Variants in RBFOX1 observed in about 807,000 individuals in gnomAD.
RBFOX1 encodes the protein RNA binding fox-1 homolog 1, also known as RNA binding protein fox-1 homolog 1.
A neutral mutation model predicts 57.7 loss-of-function variants in RBFOX1; 8 were observed. That is an observed-to-expected ratio of 0.14 (90% CI 0.08 to 0.25). RBFOX1 has a LOEUF of 0.25. Among genes scored for constraint, RBFOX1 ranks in the 10% least tolerant of loss-of-function variants. RBFOX1 has a pLI of 1.00. For synonymous variants in RBFOX1, 326 were observed against 222.4 expected (o/e 1.47, Z -4.15); for missense variants, 611 against 548.5 (o/e 1.11, Z -1.14).
chr16:6,318,948 C>G (rs2081428804), intron 2 of RBFOX1, among the ~76,000 whole-genome samples: 2 of 151,712 alleles, frequency 1.3e-5, no homozygotes, highest in Non-Finnish European at 2.9e-5. Context: ...TACAGCAAAC[C>G]TCAATCCCCT....
chr16:7,572,843 G>GAATA (rs57189251), intron 5 of RBFOX1, among the ~76,000 whole-genome samples: 40 of 146,662 alleles, frequency 2.7e-4, no homozygotes, highest in African/African-American at 5.8e-4. Flanking sequence ...TCTCTCAAAT[G>GAATA]AATAAATAAA....
intron 3 of RBFOX1, among the ~76,000 whole-genome samples, chr16:6,959,538 G>T (rs1409072298): frequency 6.6e-6 from 1 of 151,832 alleles, no homozygotes; most frequent in Non-Finnish European, 1.5e-5. Context: ...TGTGCATTTG[G>T]ACCCAGGTCT....
chr16:7,659,867 T>C (rs975109053), intron 12 of RBFOX1, among the ~76,000 whole-genome samples: 1 of 152,170 alleles, frequency 6.6e-6, no homozygotes, highest in African/African-American at 2.4e-5. Context: ...AAAGACATTT[T>C]CACAGATGCC....
At chr16:7,240,606 G>C (rs1010735582) in intron 4 of RBFOX1, among the ~76,000 whole-genome samples, 3 of 152,126 alleles carry the variant, frequency 2.0e-5, no homozygotes, top group African/African-American at 4.8e-5. Flanking sequence ...CCAGGCTGGA[G>C]TACAGTGGTA....
intron 3 of RBFOX1, among the ~76,000 whole-genome samples, chr16:6,932,649 T>G (rs2076750887): frequency 6.6e-6 from 1 of 152,190 alleles, no homozygotes; most frequent in Non-Finnish European, 1.5e-5. Flanking sequence ...GCATCTTTCA[T>G]GGAGAGTTGC....
intron 3 of RBFOX1, among the ~76,000 whole-genome samples, chr16:6,812,224 G>C (rs72766744): frequency 7.4e-4 from 113 of 152,236 alleles, no homozygotes; most frequent in South Asian, 1.5e-3. Context: ...TGAATATTAA[G>C]CTCCTCACAT....
intron 2 of RBFOX1, among the ~76,000 whole-genome samples, chr16:5,488,318 G>C (rs2042704328): frequency 8.1e-6 from 1 of 123,128 alleles, no homozygotes; most frequent in Non-Finnish European, 1.7e-5. Flanking sequence ...TAATGGTGAT[G>C]ATGATGGATA....
intron 4 of RBFOX1, among the ~76,000 whole-genome samples, chr16:5,929,987 C>T (rs1048344401): frequency 1.3e-5 from 2 of 151,436 alleles, no homozygotes; most frequent in Non-Finnish European, 2.9e-5. Context: ...AAGACGGATG[C>T]ACTACGAAGC....
chr16:7,246,633 C>CTTTTTTTTTTTTTTTTT (rs56654382), intron 4 of RBFOX1, among the ~76,000 whole-genome samples: 98 of 105,474 alleles, frequency 9.3e-4, no homozygotes, highest in African/African-American at 4.1e-3. Flanking sequence ...TGGTCACCTC[C>CTTTTTTTTTTTTTTTTT]TTTTTTTTTT....
rs1409567185 is a variant in RBFOX1 at position 6,450,777 on chromosome 16, A to G, written c.-64+133720A>G. On this transcript the variant is annotated intron_variant, in intron 2 of 15. Transcript: ENST00000550418. ...TACATATATATATGTGTATATATAT[A>G]TATATATATATACATATATATATGT... is the stretch of plus-strand genomic sequence containing the variant. Among the ~76,000 whole-genome samples, 43 of 39,532 alleles carry G rather than the reference A, an allele frequency of 1.1e-3. 1 individual carries two copies. The highest frequency in any genetic ancestry group is 0.011 in the South Asian group (17 of 1,604). The allele number at this position is 39,532 out of a possible 152,430, so 25.9% of individuals were successfully genotyped here.
intron 2 of RBFOX1, among the ~76,000 whole-genome samples, chr16:6,529,466 G>C (rs886970042): frequency 6.6e-6 from 1 of 151,932 alleles, no homozygotes; most frequent in African/African-American, 2.4e-5. Flanking sequence ...GACTGAAGCA[G>C]GAAAATCGCT....
intron 2 of RBFOX1, among the ~76,000 whole-genome samples, chr16:6,425,299 A>C (rs1302531298): frequency 1.3e-5 from 2 of 152,194 alleles, no homozygotes; most frequent in Non-Finnish European, 2.9e-5. Context: ...CACTTTAAGC[A>C]TTGATAGCTA....
chr16:5,494,120 C>T (rs781421113), intron 2 of RBFOX1, among the ~76,000 whole-genome samples: 21 of 152,122 alleles, frequency 1.4e-4, no homozygotes, highest in Non-Finnish European at 3.1e-4. Flanking sequence ...CTTTGCTGTC[C>T]TGAGGCTGGG....
intron 3 of RBFOX1, among the ~76,000 whole-genome samples, chr16:7,032,241 A>G (rs946063896): frequency 4.6e-5 from 7 of 152,118 alleles, no homozygotes; most frequent in African/African-American, 1.4e-4. Flanking sequence ...ACTGACCAAC[A>G]TGGTGAAACC....
At chr16:7,443,836 T>G (rs2149982015) in intron 4 of RBFOX1, among the ~76,000 whole-genome samples, 1 of 152,280 alleles carries the variant, frequency 6.6e-6, no homozygotes, top group South Asian at 2.1e-4. Flanking sequence ...TTTTAAGACC[T>G]TGAGGCTAAT....
intron 1 of RBFOX1, among the ~76,000 whole-genome samples, chr16:6,058,264 C>G (rs955053010): frequency 6.6e-6 from 1 of 151,884 alleles, no homozygotes; most frequent in African/African-American, 2.4e-5. Flanking sequence ...TATTCTCTTT[C>G]TAGCCTTCCT....
chr16:6,305,753 G>A (rs554524808), intron 1 of RBFOX1, among the ~76,000 whole-genome samples: 1 of 151,948 alleles, frequency 6.6e-6, no homozygotes, highest in South Asian at 2.1e-4. Context: ...GCCAGAGATG[G>A]ACAGTAACTC....
rs145677399 is a variant in RBFOX1, at chr16:5,594,308, G to A, written c.259-4594G>A. 4.8e-3 allele frequency among the ~76,000 whole-genome samples: 732 copies of A among 152,142 alleles called. 5 individuals are homozygous for A. Among genetic ancestry groups the A allele is most frequent in the Middle Eastern group, 0.01 (3 of 294 alleles). On this transcript the variant is annotated intron_variant, in intron 2 of 2. Coordinates refer to the RBFOX1 transcript ENST00000585867. ...GCTATTCATAGGTGGGCACATAAAC[G>A]CTCACAAGATTACATGAATATGTCT...
At chr16:5,362,432 A>C (rs62017696) in intron 1 of RBFOX1, among the ~76,000 whole-genome samples, 1 of 152,150 alleles carries the variant, frequency 6.6e-6, no homozygotes, top group African/African-American at 2.4e-5. Context: ...GCGCGATCTC[A>C]GCTCACCGCA....
Sources: gnomAD v4.1 joint callset for allele counts (sites outside exome capture counted in the v4.1 genomes callset) on GRCh38, gnomAD v4.1.1 for gene constraint, MANE v1.5 for transcripts, NCBI Gene and HGNC (gene_info 2026-07-23, HGNC 2026-07-21) for gene names.